FAT3: variants seen among roughly 807,000 people sequenced by gnomAD.
FAT3 encodes the protein protocadherin Fat 3.
A neutral mutation model predicts 310.2 loss-of-function variants in FAT3; 95 were observed. The observed-to-expected ratio is 0.31, with a 90% CI of 0.26 to 0.36. The LOEUF (loss-of-function observed/expected upper bound fraction) is 0.36, where lower values mean the gene tolerates loss of function less well. Among genes scored for constraint, FAT3 ranks in the 10% least tolerant of loss-of-function variants. The pLI is 1.00. For synonymous variants in FAT3, 2,314 were observed against 2,192.9 expected, an observed-to-expected ratio of 1.06 and a Z score of -1.54; for missense variants, 5,408 against 5,715.6, an observed-to-expected ratio of 0.95 and a Z score of 1.74.
intron 2 of FAT3, among the ~76,000 whole-genome samples, chr11:92,448,074 C>G (rs752632994): frequency 6.6e-6 from 1 of 152,048 alleles, no homozygotes. Context: ...TGTGTGGCCT[C>G]GGACAAGTCT....
rs538238706 is a variant in FAT3 at position 92,366,543 on chromosome 11, C to T, written c.3292+11139C>T. 253 of 493,986 alleles carry T rather than the reference C, an allele frequency of 5.1e-4. 1 individual carries two copies. The highest frequency in any genetic ancestry group is 9.2e-4 in the Non-Finnish European group (225 of 245,786). The allele number at this position is 493,986 out of a possible 1,614,324, so 30.6% of individuals were successfully genotyped here. On this transcript the variant is annotated intron_variant, in intron 2 of 27. Transcript: ENST00000525166. The stretch of plus-strand genomic sequence containing the variant: ...GCAGCCGCAGCTTCCATGGCTTTAC[C>T]GATCATCCCCCAAGAACTGCATGCG...
chr11:92,556,004 A>G (rs2135454103), intron 3 of FAT3, among the ~76,000 whole-genome samples: 1 of 152,284 alleles, frequency 6.6e-6, no homozygotes, highest in African/African-American at 2.4e-5. Context: ...AGTACTGTTT[A>G]TTGTGGATTA....
intron 2 of FAT3, among the ~76,000 whole-genome samples, chr11:92,519,133 C>T (rs756768731): frequency 3.3e-5 from 5 of 152,064 alleles, no homozygotes; most frequent in Non-Finnish European, 7.4e-5. Flanking sequence ...ACTTACACTT[C>T]CTGATTTCAA....
At chr11:92,553,432 G>T (rs1954888640) in intron 3 of FAT3, among the ~76,000 whole-genome samples, 1 of 152,178 alleles carries the variant, frequency 6.6e-6, no homozygotes, top group Non-Finnish European at 1.5e-5. Context: ...GAGTTTGGAG[G>T]GCTGTTTCTT....
At chr11:92,815,400 T>G (rs901283220) in intron 13 of FAT3, among the ~76,000 whole-genome samples, 1 of 151,910 alleles carries the variant, frequency 6.6e-6, no homozygotes, top group African/African-American at 2.4e-5. Context: ...AGTGAAACCC[T>G]GTCTCTACTA....
intron 2 of FAT3, among the ~76,000 whole-genome samples, chr11:92,443,788 C>T (rs1201610650): frequency 2.6e-5 from 4 of 151,130 alleles, no homozygotes; most frequent in African/African-American, 7.3e-5. Flanking sequence ...GAGATGGTTA[C>T]GAAGGAGGAG....
At chr11:92,375,020 C>T (rs1451126432) in intron 2 of FAT3, among the ~76,000 whole-genome samples, 1 of 152,100 alleles carries the variant, frequency 6.6e-6, no homozygotes, top group African/African-American at 2.4e-5. Flanking sequence ...TGGTAGTATG[C>T]TGACCTGTTT....
intron 1 of FAT3, among the ~76,000 whole-genome samples, chr11:92,267,140 CA>C (rs146212355): frequency 0.011 from 1,604 of 152,156 alleles, 23 homozygotes; most frequent in African/African-American, 0.036. Context: ...AATGCTTACT[CA>C]AAAAGAAGCC....
In FAT3 at chr11:92,388,837, T is replaced by C. The variant is rs568126022; in HGVS notation, c.3292+33433T>C. 2.0e-5 allele frequency among the ~76,000 whole-genome samples: 3 copies of C among 152,358 alleles called. No homozygotes were observed. The South Asian group carries it at 6.2e-4, about 32-fold the overall frequency. On this transcript the variant is annotated intron_variant, in intron 2 of 27. Coordinates refer to ENST00000525166, the MANE Select transcript of FAT3 (RefSeq NM_001367949.2). Reference sequence around the variant, plus strand: ...AGAAGAATGCTTCGTGGGAAGTCTATAGGCTTGTCTGTCTTGTTTGGACCA... The same window carrying C: ...AGAAGAATGCTTCGTGGGAAGTCTACAGGCTTGTCTGTCTTGTTTGGACCA...
chr11:92,243,475 AG>A (rs1472083658), intron 1 of FAT3, among the ~76,000 whole-genome samples: 1 of 152,054 alleles, frequency 6.6e-6, no homozygotes, highest in Non-Finnish European at 1.5e-5. Flanking sequence ...TAAAAAAAAA[AG>A]ACTTGCTTTA....
chr11:92,482,562 A>G (rs1173528951), intron 2 of FAT3, among the ~76,000 whole-genome samples: 4 of 152,178 alleles, frequency 2.6e-5, no homozygotes, highest in South Asian at 2.1e-4. Context: ...TTTCCAGCCT[A>G]TCACTGTCCT....
At chr11:92,810,173 T>C (rs1490732194) in intron 13 of FAT3, 97 bp downstream of exon 13, 50 of 1,110,624 alleles carry the variant, frequency 4.5e-5, no homozygotes, top group Non-Finnish European at 6.5e-5. Flanking sequence ...ATCAACCCCC[T>C]TGGTTCTTTA....
rs901287779 is a variant in FAT3 at position 92,679,267 on chromosome 11, A to AT, written c.3608-18107dup. ...CTACAATAAACATATGAGTACAAGT[A>AT]TTTTTTTTTTGGTTTATTTATTTAT... is the stretch of plus-strand genomic sequence containing the variant. On this transcript the variant is annotated intron_variant, in intron 3 of 27. Coordinates refer to ENST00000525166, the MANE Select transcript of FAT3 (RefSeq NM_001367949.2). Among the ~76,000 whole-genome samples the AT allele has an allele frequency of 6.0e-3, 891 of 148,996 alleles. 11 individuals are homozygous for AT. The highest frequency in any genetic ancestry group is 0.019 in the African/African-American group (757 of 40,660).
At chr11:92,382,256 A>C (rs1486017784) in intron 2 of FAT3, among the ~76,000 whole-genome samples, 1 of 152,208 alleles carries the variant, frequency 6.6e-6, no homozygotes, top group African/African-American at 2.4e-5. Context: ...GGCCCTTAGA[A>C]GTGGATTTCA....
At chr11:92,860,376 T>C (rs1269173084) in intron 21 of FAT3, among the ~76,000 whole-genome samples, 2 of 152,154 alleles carry the variant, frequency 1.3e-5, no homozygotes, top group Admixed American at 6.5e-5. Flanking sequence ...CTCCATACTA[T>C]CCCTCACTCT....
At chr11:92,473,383 A>G (rs922880836) in intron 2 of FAT3, among the ~76,000 whole-genome samples, 1 of 152,054 alleles carries the variant, frequency 6.6e-6, no homozygotes, top group Non-Finnish European at 1.5e-5. Context: ...CCACCATCTT[A>G]TTATATTTTC....
Position 92,893,862 on chromosome 11 carries a change from A to G in FAT3, c.*2749A>G, listed in dbSNP as rs919981626. ...TGCTACTAGGTGGGGATGATCACTA[A>G]TTCAAAAAAGCTGGAAGAATCCTAT... On this transcript the variant is annotated 3_prime_UTR_variant, in exon 28 of 28. Coordinates refer to ENST00000525166, the MANE Select transcript of FAT3 (RefSeq NM_001367949.2). 6.6e-6 allele frequency: 1 copy of G among 152,216 alleles called. No individual in the cohort carries two copies. The highest frequency in any genetic ancestry group is 2.4e-5 in the African/African-American group (1 of 41,458). 9.4% of individuals were successfully genotyped at this position (152,216 alleles called of 1,614,324 possible). A position where few individuals can be genotyped will look rare whatever the true frequency, so the allele number is the denominator to read the frequency against.
At chr11:92,370,604 A>T (rs192778328) in intron 2 of FAT3, among the ~76,000 whole-genome samples, 1 of 152,358 alleles carries the variant, frequency 6.6e-6, no homozygotes, top group East Asian at 1.9e-4. Flanking sequence ...TAAATATTGG[A>T]TAACCATTTT....
intron 1 of FAT3, among the ~76,000 whole-genome samples, chr11:92,307,780 C>T (rs986602407): frequency 6.6e-6 from 1 of 152,086 alleles, no homozygotes; most frequent in Admixed American, 6.6e-5. Flanking sequence ...TCATTCCTGT[C>T]ACTTATTAAT....
Sources: allele counts gnomAD v4.1 joint callset (sites outside exome capture counted in the v4.1 genomes callset), GRCh38; gene constraint gnomAD v4.1.1; transcripts MANE v1.5; gene names NCBI Gene and HGNC (gene_info 2026-07-23, HGNC 2026-07-21).